CAMK2B: variants seen among roughly 807,000 people sequenced by gnomAD.
CAMK2B encodes calcium/calmodulin dependent protein kinase II beta.
CAMK2B carries 27 observed loss-of-function variants against 93.7 expected under a neutral mutation model. The observed-to-expected ratio is 0.29, with a 90% CI of 0.21 to 0.40. CAMK2B has a LOEUF of 0.40. Among genes scored for constraint, CAMK2B ranks in the 10% least tolerant of loss-of-function variants. The pLI, the probability that CAMK2B is intolerant of heterozygous loss-of-function variation, is 1.00. For missense variants in CAMK2B, 568 were observed against 895.8 expected, an observed-to-expected ratio of 0.63 and a Z score of 4.67; for synonymous variants, 374 against 358.8, an observed-to-expected ratio of 1.04 and a Z score of -0.48.
chr7:44,284,116 C>T lies in CAMK2B; in HGVS notation c.160+15G>A, dbSNP rs755124122. ...AGCCTGACAGCAGCTGCGCAGGACACTCCCCATGCCCTACCTCTGGCTGAC... is the reference window on the plus strand; with the variant it reads ...AGCCTGACAGCAGCTGCGCAGGACATTCCCCATGCCCTACCTCTGGCTGAC... On this transcript the variant is annotated intron_variant, in intron 2 of 23. Transcript: ENST00000395749. 18 of 1,585,354 alleles carry T rather than the reference C, an allele frequency of 1.1e-5. No individual in the cohort carries two copies. Among genetic ancestry groups the T allele is most frequent in the Middle Eastern group, 3.3e-4 (2 of 6,018 alleles).
intron 6 of CAMK2B, 141 bp downstream of exon 6, chr7:44,246,979 C>T: frequency 1.5e-6 from 1 of 665,690 alleles, no homozygotes; most frequent in South Asian, 1.8e-5. Flanking sequence ...TCCATGCATG[C>T]ACACAAGGAC....
At chr7:44,253,371 G>A (rs1034233200) in intron 5 of CAMK2B, among the ~76,000 whole-genome samples, 7 of 151,732 alleles carry the variant, frequency 4.6e-5, no homozygotes, top group African/African-American at 1.7e-4. Flanking sequence ...GCGCCACCAC[G>A]CCCGGCTAAT....
At chr7:44,313,964 C>A (rs1449710239) in intron 1 of CAMK2B, among the ~76,000 whole-genome samples, 1 of 152,040 alleles carries the variant, frequency 6.6e-6, no homozygotes, top group African/African-American at 2.4e-5. Flanking sequence ...AGCCGCATTT[C>A]TGCTGGGGTC....
In CAMK2B at chr7:44,228,798, G is replaced by C. The variant is rs555460132; in HGVS notation, c.1466C>G (p.Pro489Arg). Residue 489 changes from proline (P) to arginine (R), a missense_variant and splice_region_variant, in exon 19 of 24, where the codon CCG becomes CGG. Transcript: ENST00000395749. ...SPALLGPLSS[P>R]SPRISDILNS... is the part of the protein sequence containing the mutation. Reference sequence around the variant, plus strand: ...CAGGCCTGGGGGCCACTACTTACACGGGGAGGACAGGGGGCCTAGGAGAGC... The same window carrying C: ...CAGGCCTGGGGGCCACTACTTACACCGGGAGGACAGGGGGCCTAGGAGAGC... 1 of 1,488,666 alleles carries C rather than the reference G, an allele frequency of 6.7e-7. No individual in the cohort carries two copies. Among genetic ancestry groups the C allele is most frequent in the Non-Finnish European group, 8.9e-7 (1 of 1,122,714 alleles). The allele number at this position is 1,488,666 out of a possible 1,614,324, so 92.2% of individuals were successfully genotyped here.
intron 5 of CAMK2B, among the ~76,000 whole-genome samples, chr7:44,252,136 G>A (rs2096786382): frequency 3.9e-5 from 6 of 152,134 alleles, no homozygotes; most frequent in Admixed American, 3.9e-4. Flanking sequence ...TGTGGATTGG[G>A]CGGAGGGGTT....
At chr7:44,263,124 C>T (rs1178529521) in intron 2 of CAMK2B, 60 bp from the exon 3 acceptor site, 7 of 1,538,780 alleles carry the variant, frequency 4.5e-6, no homozygotes, top group African/African-American at 4.1e-5. Flanking sequence ...GCCCAGGGAT[C>T]GTCCATGTCA....
chr7:44,243,595 G>C (rs2096702840), intron 6 of CAMK2B, 68 bp from the exon 7 acceptor site: 6 of 1,290,572 alleles, frequency 4.6e-6, no homozygotes, highest in East Asian at 2.4e-5. Flanking sequence ...GGGGTTGGGT[G>C]GGGGGTTACA....
rs2096750029 is a variant in CAMK2B, at chr7:44,248,319, T to C, written c.342-1127A>G. On this transcript the variant is annotated intron_variant, in intron 5 of 23. Coordinates refer to ENST00000395749, the MANE Select transcript of CAMK2B (RefSeq NM_001220.5). The surrounding 1 kb of genome is among the most constrained non-coding windows in gnomAD (Gnocchi z 4.1). ...CAGGCCACCTCCCTGACACCTGTCC[T>C]AGAGCACATCAGACCCAGGGCCACG... 6.6e-6 allele frequency among the ~76,000 whole-genome samples: 1 copy of C among 152,136 alleles called. No homozygotes were observed. Among genetic ancestry groups the C allele is most frequent in the Admixed American group, 6.5e-5 (1 of 15,278 alleles).
Position 44,248,362 on chromosome 7 carries a change from G to A in CAMK2B, c.342-1170C>T, listed in dbSNP as rs918124526. Among the ~76,000 whole-genome samples the A allele has an allele frequency of 6.6e-6, 1 of 152,124 alleles. No individual in the cohort carries two copies. The highest frequency in any genetic ancestry group is 1.9e-4 in the East Asian group (1 of 5,186). On this transcript the variant is annotated intron_variant, in intron 5 of 23. Transcript: ENST00000395749. The surrounding 1 kb of genome is among the most constrained non-coding windows in gnomAD (Gnocchi z 4.1). The stretch of plus-strand genomic sequence containing the variant: ...GGGCCACGGAGCCCCTGCACACACC[G>A]AGAGCCCGTGGCTTGAATCTGCTTC...
chr7:44,288,394 G>A (rs766603032), intron 1 of CAMK2B, among the ~76,000 whole-genome samples: 2 of 152,250 alleles, frequency 1.3e-5, no homozygotes, highest in African/African-American at 4.8e-5. Flanking sequence ...CCAGGCAGCT[G>A]TAAGGGCACA....
At chr7:44,289,122 G>A (rs1052140161) in intron 1 of CAMK2B, among the ~76,000 whole-genome samples, 1 of 151,958 alleles carries the variant, frequency 6.6e-6, no homozygotes, top group Non-Finnish European at 1.5e-5. Context: ...CCCAACCCTC[G>A]TGCCTGCCTC....
At position 44,234,673 on chromosome 7, in the gene CAMK2B, T is replaced by C. The variant is rs2096609400; in HGVS notation, c.1025A>G (p.Lys342Arg). The C allele has an allele frequency of 6.2e-7, 1 of 1,613,946 alleles. No individual in the cohort carries two copies. The highest frequency in any genetic ancestry group is 8.5e-7 in the Non-Finnish European group (1 of 1,179,944). ...GTTMGLVEQA[K>R]SLLNKKADGV... is the part of the protein sequence containing the mutation. ...ATCTGCTTTCTTGTTGAGTAAACTCTTGGCTGCTGCATGGGGAGGAAGAAG... is the reference window on the plus strand; with the variant it reads ...ATCTGCTTTCTTGTTGAGTAAACTCCTGGCTGCTGCATGGGGAGGAAGAAG... The change falls in exon 14 of 24, where the codon AAG (lysine) becomes AGG (arginine). Residue 342 changes from lysine to arginine, a missense_variant. Physicochemically the swap from Lys to Arg is conservative, Grantham distance 26. Around this residue, in one of 4 missense-constraint regions of CAMK2B, gnomAD observed 308 missense variants for 292.1 expected, o/e 1.05. Coordinates refer to ENST00000395749, the MANE Select transcript of CAMK2B (RefSeq NM_001220.5).
chr7:44,304,132 T>C (rs1020021805), intron 1 of CAMK2B, among the ~76,000 whole-genome samples: 8 of 152,194 alleles, frequency 5.3e-5, no homozygotes, highest in African/African-American at 7.2e-5. Context: ...GGAATTCTCA[T>C]TCATTGTTGG....
At chr7:44,226,953 GC>G (rs2128888956) in intron 19 of CAMK2B, among the ~76,000 whole-genome samples, 1 of 6,992 alleles carries the variant, frequency 1.4e-4, no homozygotes. Context: ...GGACAGAGGG[GC>G]ATGTGGGGGG....
At chr7:44,308,880 C>T (rs933703808) in intron 1 of CAMK2B, among the ~76,000 whole-genome samples, 8 of 152,206 alleles carry the variant, frequency 5.3e-5, no homozygotes, top group Admixed American at 6.5e-5. Flanking sequence ...TCCCCGGGGC[C>T]TCTGTCCATG....
intron 2 of CAMK2B, among the ~76,000 whole-genome samples, chr7:44,265,827 C>T (rs1285467884): frequency 6.6e-6 from 1 of 152,138 alleles, no homozygotes; most frequent in Non-Finnish European, 1.5e-5. Flanking sequence ...AACAGCACCT[C>T]GACCACCTCC....
chr7:44,269,393 G>C (rs62459110), intron 2 of CAMK2B, among the ~76,000 whole-genome samples: 3,962 of 152,286 alleles, frequency 0.026, 79 homozygotes, highest in Middle Eastern at 0.048. Flanking sequence ...TTGGTAAATC[G>C]TTGATGTTCG....
intron 22 of CAMK2B, 32 bp downstream of exon 22, chr7:44,220,584 C>T: frequency 6.4e-7 from 1 of 1,572,270 alleles, no homozygotes; most frequent in South Asian, 1.1e-5. Context: ...GGGGCACCGC[C>T]CCCTCATGCC....
chr7:44,293,651 A>G, intron 1 of CAMK2B, among the ~76,000 whole-genome samples: 1 of 152,188 alleles, frequency 6.6e-6, no homozygotes, highest in East Asian at 1.9e-4. Flanking sequence ...TATCTTAAGG[A>G]GCGCGCAACC....
Sources: allele counts gnomAD v4.1 joint callset (sites outside exome capture counted in the v4.1 genomes callset), GRCh38; gene constraint gnomAD v4.1.1; regional missense constraint gnomAD v4.1.1; non-coding constraint Gnocchi (gnomAD v3.1); transcripts MANE v1.5; gene names NCBI Gene and HGNC (gene_info 2026-07-23, HGNC 2026-07-21).